Variants in LRP1B observed in about 807,000 individuals in gnomAD.
LRP1B encodes the protein LDL receptor related protein 1B.
LRP1B carries 217 observed loss-of-function variants against 556.6 expected under a neutral mutation model. That is an observed-to-expected ratio of 0.39 (90% CI 0.35 to 0.44). The LOEUF (loss-of-function observed/expected upper bound fraction) is 0.44, where lower values mean the gene tolerates loss of function less well. LRP1B is among the 20% of genes least tolerant of loss of function. The pLI is 1.00. For missense variants in LRP1B, 5,053 were observed against 5,620.8 expected, an observed-to-expected ratio of 0.90 and a Z score of 3.23; for synonymous variants, 2,047 against 1,865.8, an observed-to-expected ratio of 1.10 and a Z score of -2.50.
intron 41 of LRP1B, among the ~76,000 whole-genome samples, chr2:140,666,676 T>G (rs141094665): frequency 6.6e-6 from 1 of 152,292 alleles, no homozygotes; most frequent in African/African-American, 2.4e-5. Flanking sequence ...AAAAAACAAC[T>G]CATAGTACAT....
chr2:141,432,312 T>C (rs4294939), intron 3 of LRP1B, among the ~76,000 whole-genome samples: 72,988 of 151,914 alleles, frequency 0.48, 17,776 homozygotes, highest in East Asian at 0.69. Flanking sequence ...GTATATAATC[T>C]ATGTTATATG....
intron 1 of LRP1B, among the ~76,000 whole-genome samples, chr2:141,923,789 T>C (rs1700262694): frequency 6.6e-6 from 1 of 152,020 alleles, no homozygotes; most frequent in Non-Finnish European, 1.5e-5. Flanking sequence ...GGTATTTTGA[T>C]ACTTAAACAG....
At chr2:141,451,939 A>G (rs1681436843) in intron 3 of LRP1B, among the ~76,000 whole-genome samples, 1 of 152,222 alleles carries the variant, frequency 6.6e-6, no homozygotes, top group African/African-American at 2.4e-5. Context: ...CCTGTTGGAT[A>G]TGTTAACCAA....
At chr2:140,709,263 C>T (rs373034158) in intron 37 of LRP1B, among the ~76,000 whole-genome samples, 2 of 151,916 alleles carry the variant, frequency 1.3e-5, no homozygotes, top group South Asian at 2.1e-4. Flanking sequence ...GATTATATAC[C>T]ATGGGAAGTT....
intron 87 of LRP1B, among the ~76,000 whole-genome samples, chr2:140,243,109 G>A (rs1681020569): frequency 6.6e-6 from 1 of 150,980 alleles, no homozygotes; most frequent in Admixed American, 6.6e-5. Flanking sequence ...GCAGTGATGA[G>A]ATCATTTGGG....
chr2:141,532,387 A>T (rs1027947076), intron 2 of LRP1B, among the ~76,000 whole-genome samples: 1 of 151,962 alleles, frequency 6.6e-6, no homozygotes, highest in African/African-American at 2.4e-5. Context: ...TACTGAACAA[A>T]CATGTCCTCA....
chr2:141,184,421 G>A (rs575411129), intron 7 of LRP1B, among the ~76,000 whole-genome samples: 18 of 151,952 alleles, frequency 1.2e-4, no homozygotes, highest in African/African-American at 3.9e-4. Context: ...AGAACCTCAT[G>A]TGAGAGGTGC....
chr2:141,977,753 A>T (rs1217513254), intron 1 of LRP1B, among the ~76,000 whole-genome samples: 2 of 152,128 alleles, frequency 1.3e-5, no homozygotes, highest in African/African-American at 4.8e-5. Flanking sequence ...TGACAAGAAA[A>T]ACAAAGAATA....
chr2:142,120,044 T>A (rs1574707972), intron 1 of LRP1B, among the ~76,000 whole-genome samples: 1 of 144,814 alleles, frequency 6.9e-6, no homozygotes, highest in African/African-American at 2.6e-5. Context: ...TAACCGTATA[T>A]CATAAACTCT....
intron 20 of LRP1B, among the ~76,000 whole-genome samples, chr2:140,929,459 G>A (rs957414711): frequency 3.9e-5 from 6 of 152,066 alleles, no homozygotes; most frequent in African/African-American, 1.4e-4. Context: ...TGTAATGTGT[G>A]AGCAGAAGAG....
chr2:141,629,038 G>T (rs1688811406), intron 2 of LRP1B, among the ~76,000 whole-genome samples: 1 of 152,100 alleles, frequency 6.6e-6, no homozygotes, highest in African/African-American at 2.4e-5. Context: ...GTATACATGA[G>T]AATCATAATG....
At chr2:140,867,157 G>A (rs1692975610) in intron 27 of LRP1B, among the ~76,000 whole-genome samples, 1 of 152,022 alleles carries the variant, frequency 6.6e-6, no homozygotes, top group African/African-American at 2.4e-5. Context: ...CCAAGATGGG[G>A]TTCACTGTTG....
intron 2 of LRP1B, among the ~76,000 whole-genome samples, chr2:141,525,725 C>T (rs7557631): frequency 0.97 from 147,817 of 152,030 alleles, 71,995 homozygotes; most frequent in East Asian, 1. Flanking sequence ...AAAATACATA[C>T]ATAATATTGA....
chr2:140,247,243 A>G lies in LRP1B; in HGVS notation c.13248-81T>C, dbSNP rs939773718. The G allele has an allele frequency of 1.2e-5, 11 of 922,282 alleles. No homozygotes were observed. The African/African-American group carries it at 1.8e-4, about 15-fold the overall frequency. 57.1% of individuals were successfully genotyped at this position (922,282 alleles called of 1,614,324 possible). On this transcript the variant is annotated intron_variant, in intron 86 of 90. Coordinates refer to ENST00000389484, the MANE Select transcript of LRP1B (RefSeq NM_018557.3). ...TCAGCTAATGTAGTAACTTTAACCA[A>G]ATGAAAGGTTACAGGAGCCAGTCAT...
intron 50 of LRP1B, 68 bp downstream of exon 50, chr2:140,516,821 C>T (rs1170401485): frequency 1.4e-6 from 2 of 1,429,748 alleles, no homozygotes; most frequent in Non-Finnish European, 1.9e-6. Flanking sequence ...AAAATCCCTA[C>T]ATAAGAGAAT....
chr2:141,247,988 A>G (rs773030094), intron 4 of LRP1B, among the ~76,000 whole-genome samples: 29 of 152,072 alleles, frequency 1.9e-4, no homozygotes, highest in Non-Finnish European at 3.7e-4. Context: ...TGGGTGAATC[A>G]CCTGAGGCCA....
At chr2:141,874,346 G>T (rs1244272574) in intron 1 of LRP1B, among the ~76,000 whole-genome samples, 1 of 151,394 alleles carries the variant, frequency 6.6e-6, no homozygotes, top group African/African-American at 2.4e-5. Flanking sequence ...ATATGGTCTG[G>T]GCACATAGTG....
At chr2:141,357,142 A>C (rs1325440671) in intron 3 of LRP1B, among the ~76,000 whole-genome samples, 1 of 151,312 alleles carries the variant, frequency 6.6e-6, no homozygotes, top group Non-Finnish European at 1.5e-5. Context: ...TGCAACCTCC[A>C]CCTCCCGGGT....
intron 2 of LRP1B, among the ~76,000 whole-genome samples, chr2:141,554,843 C>T (rs182108418): frequency 6.6e-6 from 1 of 151,930 alleles, no homozygotes; most frequent in African/African-American, 2.4e-5. Flanking sequence ...CATCACTGTG[C>T]TTGTTAGGAA....
Sources: allele counts gnomAD v4.1 joint callset (sites outside exome capture counted in the v4.1 genomes callset), GRCh38; gene constraint gnomAD v4.1.1; transcripts MANE v1.5; gene names NCBI Gene and HGNC (gene_info 2026-07-23, HGNC 2026-07-21).